GALNT18: variants seen among roughly 807,000 people sequenced by gnomAD.
GALNT18 encodes the protein GalNAc-transferase 18.
Under a neutral mutation model 69.5 loss-of-function variants are expected in GALNT18, and 44 were observed. The ratio of observed to expected loss-of-function variants is 0.63; its 90% CI spans 0.50 to 0.81. The LOEUF (loss-of-function observed/expected upper bound fraction) is 0.81, where lower values mean the gene tolerates loss of function less well. GALNT18 is among the 40% of genes least tolerant of loss of function. The probability of loss-of-function intolerance (pLI) is 0.00; values close to 1 mark genes in which losing one functional copy is unlikely to be tolerated. For missense variants in GALNT18, 715 were observed against 810.0 expected (o/e 0.88, Z 1.42); for synonymous variants, 364 against 318.2 (o/e 1.14, Z -1.53).
In GALNT18 at chr11:11,444,670, G is replaced by T. The variant is rs140794384; in HGVS notation, c.428+4074C>A. On this transcript the variant is annotated intron_variant, in intron 2 of 10. Transcript: ENST00000227756. The surrounding 1 kb of genome is among the most constrained non-coding windows in gnomAD (Gnocchi z 4.4). ...AGTACCAAGAAAAAAAGGAGACAAA[G>T]TAAGTGACTAGCTAGAGGTGAGAGA... 2.8e-3 allele frequency among the ~76,000 whole-genome samples: 432 copies of T among 152,268 alleles called. 9 individuals are homozygous for T. The South Asian group carries it at 0.038, about 13-fold the overall frequency.
chr11:11,541,182 C>A lies in GALNT18; in HGVS notation c.235+80177G>T, dbSNP rs1046732001. Among the ~76,000 whole-genome samples the A allele has an allele frequency of 1.3e-5, 2 of 152,180 alleles. No individual in the cohort carries two copies. Among genetic ancestry groups the A allele is most frequent in the Non-Finnish European group, 2.9e-5 (2 of 68,034 alleles). On this transcript the variant is annotated intron_variant, in intron 1 of 10. Transcript: ENST00000227756. This position sits in a 1 kb window ranked among gnomAD's most constrained non-coding sequence, Gnocchi z 4.8. The stretch of plus-strand genomic sequence containing the variant: ...TTCTCACTGCCCAACTCTGTACCTA[C>A]AAGTTCTTTCACCCTCCCTCAGGAA...
At chr11:11,345,679 G>A (rs1295808567) in intron 6 of GALNT18, among the ~76,000 whole-genome samples, 1 of 152,200 alleles carries the variant, frequency 6.6e-6, no homozygotes, top group African/African-American at 2.4e-5. Flanking sequence ...CTGGACAGGG[G>A]ATGAAGTGTG....
rs1855750058 is a variant in GALNT18, at chr11:11,449,765, C to T, written c.236-829G>A. The stretch of plus-strand genomic sequence containing the variant: ...GGCTACATGACCATAGCACAGTCAA[C>T]CTCCCAAGGCCAAAATTCCCCAACC... On this transcript the variant is annotated intron_variant, in intron 1 of 10. Transcript: ENST00000227756. 3.9e-5 allele frequency among the ~76,000 whole-genome samples: 6 copies of T among 152,332 alleles called. No homozygotes were observed. In the South Asian group the frequency reaches 1.2e-3, roughly 32 times the overall value.
chr11:11,459,761 AAT>A lies in GALNT18; in HGVS notation c.236-10827_236-10826del, dbSNP rs1856000436. The stretch of plus-strand genomic sequence containing the variant: ...CATCAGATAGGTGGTAAAGTGTATT[AAT>A]AGTTTCCTATGGTGCTCTAGCAAAA... On this transcript the variant is annotated intron_variant, in intron 1 of 10. Coordinates refer to ENST00000227756, the MANE Select transcript of GALNT18 (RefSeq NM_198516.3). This position sits in a 1 kb window ranked among gnomAD's most constrained non-coding sequence, Gnocchi z 5.0. 6.6e-6 allele frequency among the ~76,000 whole-genome samples: 1 copy of A among 152,260 alleles called. No homozygotes were observed. The highest frequency in any genetic ancestry group is 2.4e-5 in the African/African-American group (1 of 41,470).
Position 11,439,597 on chromosome 11 carries a change from A to C in GALNT18, c.429-6810T>G, listed in dbSNP as rs1855490251. On this transcript the variant is annotated intron_variant, in intron 2 of 10. Transcript: ENST00000227756. This position sits in a 1 kb window ranked among gnomAD's most constrained non-coding sequence, Gnocchi z 4.4. ...TAACAAACGTCAGTGTCTCCACTAGACTATAAGCTGTACAAGGTTAGGGCC... is the reference window on the plus strand; with the variant it reads ...TAACAAACGTCAGTGTCTCCACTAGCCTATAAGCTGTACAAGGTTAGGGCC... Among the ~76,000 whole-genome samples the C allele has an allele frequency of 6.6e-6, 1 of 152,228 alleles. No individual in the cohort carries two copies. Among genetic ancestry groups the C allele is most frequent in the Admixed American group, 6.5e-5 (1 of 15,284 alleles).
chr11:11,334,255 T>C (rs1320775012), intron 7 of GALNT18, among the ~76,000 whole-genome samples: 1 of 151,942 alleles, frequency 6.6e-6, no homozygotes, highest in Non-Finnish European at 1.5e-5. Context: ...GAAAACACAA[T>C]TTAGGGGCCA....
intron 9 of GALNT18, among the ~76,000 whole-genome samples, chr11:11,316,442 T>A (rs61872397): frequency 0.035 from 5,276 of 152,266 alleles, 136 homozygotes; most frequent in Non-Finnish European, 0.05. Flanking sequence ...TTAATGCCCC[T>A]GCGGACACTG....
intron 7 of GALNT18, among the ~76,000 whole-genome samples, chr11:11,335,171 G>A (rs531105318): frequency 2.0e-5 from 3 of 152,290 alleles, no homozygotes; most frequent in Admixed American, 2.0e-4. Flanking sequence ...GTTTCTTTCT[G>A]CACTTAGGAA....
At chr11:11,518,974 A>T (rs1362419432) in intron 1 of GALNT18, among the ~76,000 whole-genome samples, 1 of 152,206 alleles carries the variant, frequency 6.6e-6, no homozygotes, top group Non-Finnish European at 1.5e-5. Flanking sequence ...CTAAAAGATC[A>T]TGCCAGCCTC....
At chr11:11,487,865 T>C (rs1856676492) in intron 1 of GALNT18, among the ~76,000 whole-genome samples, 1 of 152,226 alleles carries the variant, frequency 6.6e-6, no homozygotes, top group Non-Finnish European at 1.5e-5. Flanking sequence ...AGCTGAATCC[T>C]GACTTCTTGA....
rs756115965 is a variant in GALNT18 at position 11,327,073 on chromosome 11, T to A, written c.1512+13A>T. 1.3e-6 allele frequency: 2 copies of A among 1,591,682 alleles called. No individual in the cohort carries two copies. Among genetic ancestry groups the A allele is most frequent in the Non-Finnish European group, 8.6e-7 (1 of 1,159,546 alleles). ...TGCACACTCCTGGCACAGGAATCTC[T>A]TAGAGGACTCACCTGAGGCGTCATC... On this transcript the variant is annotated intron_variant, in intron 9 of 10. Transcript: ENST00000227756.
intron 3 of GALNT18, among the ~76,000 whole-genome samples, chr11:11,427,573 C>A (rs938680051): frequency 6.6e-6 from 1 of 152,182 alleles, no homozygotes; most frequent in African/African-American, 2.4e-5. Flanking sequence ...CCCAACAACC[C>A]CTGAGGTGGG....
intron 9 of GALNT18, among the ~76,000 whole-genome samples, chr11:11,321,851 T>C (rs749213880): frequency 1.1e-4 from 17 of 152,184 alleles, no homozygotes; most frequent in Admixed American, 3.3e-4. Flanking sequence ...GTGAACTGCC[T>C]GCCTCGGCCT....
intron 3 of GALNT18, among the ~76,000 whole-genome samples, chr11:11,419,332 C>T (rs888495380): frequency 3.3e-5 from 5 of 152,054 alleles, no homozygotes; most frequent in Admixed American, 6.5e-5. Context: ...CATGGTGGCT[C>T]ACGCCTGTAA....
chr11:11,295,809 T>C (rs1849389689), intron 9 of GALNT18, among the ~76,000 whole-genome samples: 1 of 152,216 alleles, frequency 6.6e-6, no homozygotes, highest in Admixed American at 6.5e-5. Flanking sequence ...AAGGATTCAC[T>C]GTGACCAAAG....
Position 11,620,730 on chromosome 11 carries a change from G to A in GALNT18, c.235+629C>T, listed in dbSNP as rs1342967875. Among the ~76,000 whole-genome samples the A allele has an allele frequency of 6.6e-6, 1 of 152,162 alleles. No homozygotes were observed. Among genetic ancestry groups the A allele is most frequent in the African/African-American group, 2.4e-5 (1 of 41,444 alleles). Reference sequence around the variant, plus strand: ...CCTGGAGAGGGTCCTGGACCCGCGGGCTGTGGTGGGGGTAGGGACTGCTAT... The same window carrying A: ...CCTGGAGAGGGTCCTGGACCCGCGGACTGTGGTGGGGGTAGGGACTGCTAT... On this transcript the variant is annotated intron_variant, in intron 1 of 10. Coordinates refer to ENST00000227756, the MANE Select transcript of GALNT18 (RefSeq NM_198516.3). This position sits in a 1 kb window ranked among gnomAD's most constrained non-coding sequence, Gnocchi z 6.9.
At chr11:11,289,886 A>G (rs1258594001) in intron 10 of GALNT18, among the ~76,000 whole-genome samples, 1 of 152,132 alleles carries the variant, frequency 6.6e-6, no homozygotes, top group Non-Finnish European at 1.5e-5. Context: ...TTGCTGTGCT[A>G]TTAACCTCAA....
At chr11:11,429,223 C>A (rs1418515982) in intron 3 of GALNT18, among the ~76,000 whole-genome samples, 1 of 152,202 alleles carries the variant, frequency 6.6e-6, no homozygotes, top group Admixed American at 6.5e-5. Context: ...ATAGACAGTT[C>A]TCTTATTCCT....
intron 4 of GALNT18, among the ~76,000 whole-genome samples, chr11:11,378,573 T>C (rs1269477686): frequency 6.6e-6 from 1 of 152,198 alleles, no homozygotes; most frequent in Admixed American, 6.5e-5. Flanking sequence ...AGTTTCACCA[T>C]AGGGAGAATC....
Sources: allele counts gnomAD v4.1 joint callset (sites outside exome capture counted in the v4.1 genomes callset), GRCh38; gene constraint gnomAD v4.1.1; non-coding constraint Gnocchi (gnomAD v3.1); transcripts MANE v1.5; gene names NCBI Gene and HGNC (gene_info 2026-07-23, HGNC 2026-07-21).